KSR2: variants seen among roughly 807,000 people sequenced by gnomAD.
KSR2 encodes the protein kinase suppressor of ras 2.
In KSR2, 25 loss-of-function variants were observed where a neutral mutation model predicts 107.8. The observed-to-expected ratio is 0.23, with a 90% CI of 0.17 to 0.32. The LOEUF is 0.32. Ranked by LOEUF, KSR2 falls within the 10% of genes least tolerant of loss-of-function variation. The probability of loss-of-function intolerance (pLI) is 1.00; values close to 1 mark genes in which losing one functional copy is unlikely to be tolerated. For synonymous variants in KSR2, 480 were observed against 507.0 expected (o/e 0.95, Z 0.71); for missense variants, 887 against 1,268.9 (o/e 0.70, Z 4.57).
At chr12:117,848,901 G>C (rs1374768856) in intron 3 of KSR2, among the ~76,000 whole-genome samples, 1 of 146,468 alleles carries the variant, frequency 6.8e-6, no homozygotes, top group South Asian at 2.1e-4. Flanking sequence ...GGTGGTGGTG[G>C]TGATTTGCCT....
At chr12:117,797,042 G>A (rs1434520579) in intron 3 of KSR2, among the ~76,000 whole-genome samples, 6 of 152,172 alleles carry the variant, frequency 3.9e-5, no homozygotes, top group Non-Finnish European at 7.3e-5. Flanking sequence ...CTCACCATGC[G>A]GATGGGGAAG....
intron 4 of KSR2, among the ~76,000 whole-genome samples, chr12:117,692,449 CATATATATATATATATATATATATAT>C (rs57091494): frequency 0.029 from 2,410 of 84,276 alleles, 155 homozygotes; most frequent in African/African-American, 0.095. Context: ...CAACTTCACT[CATATATATATATATATATATATATAT>C]ATATATATAT....
chr12:117,591,703 C>T (rs1019601459), intron 5 of KSR2, among the ~76,000 whole-genome samples: 4 of 145,058 alleles, frequency 2.8e-5, no homozygotes, highest in Non-Finnish European at 6.0e-5. Context: ...CCTGGTCCCA[C>T]CCCTGCTTAA....
At chr12:117,643,563 T>C (rs1196725933) in intron 5 of KSR2, among the ~76,000 whole-genome samples, 2 of 152,196 alleles carry the variant, frequency 1.3e-5, no homozygotes, top group Non-Finnish European at 2.9e-5. Flanking sequence ...AAACTAAAAG[T>C]TTGTTTATTA....
intron 4 of KSR2, among the ~76,000 whole-genome samples, chr12:117,710,655 G>A (rs757876474): frequency 5.9e-5 from 9 of 152,132 alleles, no homozygotes; most frequent in Non-Finnish European, 1.0e-4. Context: ...CTTCATCGGT[G>A]CCTTGAGAAT....
chr12:117,507,996 C>A (rs754032806), intron 14 of KSR2, among the ~76,000 whole-genome samples: 1 of 152,312 alleles, frequency 6.6e-6, no homozygotes, highest in Admixed American at 6.5e-5. Context: ...CCCTTGTCAT[C>A]TTCCCAGGGT....
intron 1 of KSR2, among the ~76,000 whole-genome samples, chr12:117,874,482 C>G (rs902858621): frequency 6.6e-6 from 1 of 152,168 alleles, no homozygotes; most frequent in African/African-American, 2.4e-5. Context: ...ATCCTCCTGC[C>G]TTGGTCTCCT....
intron 4 of KSR2, among the ~76,000 whole-genome samples, chr12:117,678,212 A>C: frequency 6.6e-6 from 1 of 151,688 alleles, no homozygotes; most frequent in South Asian, 2.1e-4. Flanking sequence ...CACACGCCCA[A>C]AGTGCTGGAA....
chr12:117,890,867 G>A (rs1297942450), intron 1 of KSR2: 1 of 152,182 alleles, frequency 6.6e-6, no homozygotes, highest in African/African-American at 2.4e-5. Context: ...AAGTCTCAGA[G>A]TGGAATATTG....
chr12:117,644,801 C>T (rs78500467), intron 5 of KSR2, among the ~76,000 whole-genome samples: 4,701 of 152,260 alleles, frequency 0.031, 244 homozygotes, highest in African/African-American at 0.11. Context: ...CCCCCCTGGC[C>T]ACTCCATGGG....
chr12:117,723,780 G>A (rs58149565), intron 4 of KSR2, among the ~76,000 whole-genome samples: 8,873 of 152,068 alleles, frequency 0.058, 367 homozygotes, highest in East Asian at 0.07. Flanking sequence ...TATTTCTTGT[G>A]AGTCTTCAAC....
chr12:117,914,658 C>T (rs1033652848), intron 1 of KSR2, among the ~76,000 whole-genome samples: 1 of 152,156 alleles, frequency 6.6e-6, no homozygotes, highest in African/African-American at 2.4e-5. Context: ...CCTCAGCCTT[C>T]CAAGTAGCTG....
intron 3 of KSR2, among the ~76,000 whole-genome samples, chr12:117,819,419 G>C (rs746913598): frequency 1.3e-5 from 2 of 152,222 alleles, no homozygotes; most frequent in Non-Finnish European, 2.9e-5. Flanking sequence ...GAGCCTCCTA[G>C]ACCTGGTGAG....
chr12:117,935,699 G>T (rs1895817124), intron 1 of KSR2, among the ~76,000 whole-genome samples: 1 of 152,196 alleles, frequency 6.6e-6, no homozygotes, highest in African/African-American at 2.4e-5. Flanking sequence ...GGTGGAGATT[G>T]CAGTGAGCCA....
chr12:117,653,374 G>A (rs1016344162), intron 5 of KSR2, among the ~76,000 whole-genome samples: 6 of 152,238 alleles, frequency 3.9e-5, no homozygotes, highest in African/African-American at 1.4e-4. Flanking sequence ...CCTTCAGCTG[G>A]CAAGGCCAGC....
At chr12:117,631,804 C>T (rs1882820122) in intron 5 of KSR2, among the ~76,000 whole-genome samples, 2 of 152,118 alleles carry the variant, frequency 1.3e-5, no homozygotes, top group South Asian at 4.1e-4. Context: ...TACTTTTAAA[C>T]CAAAAGCAGT....
At chr12:117,569,557 T>C (rs1878742978) in intron 7 of KSR2, among the ~76,000 whole-genome samples, 1 of 152,146 alleles carries the variant, frequency 6.6e-6, no homozygotes, top group African/African-American at 2.4e-5. Context: ...GTCTCACTCC[T>C]ACAGAAGTGG....
At chr12:117,927,529 TA>T (rs201720241) in intron 1 of KSR2, among the ~76,000 whole-genome samples, 2,783 of 151,870 alleles carry the variant, frequency 0.018, 90 homozygotes, top group African/African-American at 0.064. Context: ...CTGTCTCTAC[TA>T]AAAAATACAA....
At chr12:117,794,126 ACAC>A (rs2136993057) in intron 3 of KSR2, among the ~76,000 whole-genome samples, 3 of 129,024 alleles carry the variant, frequency 2.3e-5, no homozygotes, top group Admixed American at 8.6e-5. Context: ...ATGCACACTC[ACAC>A]CAACATGCAC....
Sources: allele counts gnomAD v4.1 joint callset (sites outside exome capture counted in the v4.1 genomes callset), GRCh38; gene constraint gnomAD v4.1.1; transcripts MANE v1.5; gene names NCBI Gene and HGNC (gene_info 2026-07-23, HGNC 2026-07-21).